Variants in PIGF observed in about 807,000 individuals in gnomAD.
PIGF encodes the protein phosphatidylinositol glycan anchor biosynthesis class F, also known as GPI ethanolamine phosphate transferase, stabilizing subunit.
PIGF carries 23 observed loss-of-function variants against 26.0 expected under a neutral mutation model. That is an observed-to-expected ratio of 0.88 (90% CI 0.64 to 1.25). The LOEUF is 1.25. Among genes scored for constraint, PIGF ranks in the 50% most tolerant of loss-of-function variants. The probability of loss-of-function intolerance (pLI) is 0.00; values close to 1 mark genes in which losing one functional copy is unlikely to be tolerated. For missense variants in PIGF, 278 were observed against 249.9 expected, an observed-to-expected ratio of 1.11 and a Z score of -0.76; for synonymous variants, 93 against 92.6, an observed-to-expected ratio of 1.00 and a Z score of -0.03.
At chr2:46,607,581 A>C (rs1170435686) in intron 4 of PIGF, among the ~76,000 whole-genome samples, 4 of 152,216 alleles carry the variant, frequency 2.6e-5, no homozygotes, top group African/African-American at 4.8e-5. Context: ...AAGAAATGTT[A>C]ATAATTATCT....
intron 4 of PIGF, among the ~76,000 whole-genome samples, chr2:46,597,771 A>T (rs1284724864): frequency 2.0e-5 from 3 of 152,216 alleles, no homozygotes; most frequent in Admixed American, 6.5e-5. Flanking sequence ...TGAGAAGTTC[A>T]GTGCCATTCT....
Position 46,589,357 on chromosome 2 carries a change from T to G in PIGF, c.546+3118A>C, listed in dbSNP as rs1256027381. Among the ~76,000 whole-genome samples the G allele has an allele frequency of 6.6e-6, 1 of 152,042 alleles. No individual in the cohort carries two copies. The highest frequency in any genetic ancestry group is 1.5e-5 in the Non-Finnish European group (1 of 67,934). ...TTTAATGAAGAAATTATTTTAAACA[T>G]AAAAATATGCTTGAAACAGCTCATT... is the stretch of plus-strand genomic sequence containing the variant. On this transcript the variant is annotated intron_variant, in intron 5 of 5. Transcript: ENST00000281382. This position sits in a 1 kb window ranked among gnomAD's most constrained non-coding sequence, Gnocchi z 4.7.
chr2:46,587,450 AC>A (rs1669612305), intron 5 of PIGF, among the ~76,000 whole-genome samples: 1 of 149,784 alleles, frequency 6.7e-6, no homozygotes. Flanking sequence ...AAAAAAAAAA[AC>A]CCAAAAAATT....
chr2:46,605,115 A>C (rs1019888298), intron 4 of PIGF, among the ~76,000 whole-genome samples: 1 of 152,206 alleles, frequency 6.6e-6, no homozygotes, highest in African/African-American at 2.4e-5. Context: ...TCACTGCAAA[A>C]CCATAGATCT....
chr2:46,599,416 T>C (rs1442728360), intron 4 of PIGF, among the ~76,000 whole-genome samples: 1 of 152,184 alleles, frequency 6.6e-6, no homozygotes, highest in African/African-American at 2.4e-5. Context: ...TTAGAGGCAC[T>C]AACTAGTCTT....
chr2:46,612,458 G>A (rs191288106), intron 3 of PIGF, 114 bp from the exon 4 acceptor site: 141 of 401,062 alleles, frequency 3.5e-4, no homozygotes, highest in African/African-American at 2.6e-3. Flanking sequence ...TACTTTGAAA[G>A]GTAACATGAA....
At chr2:46,611,003 T>C (rs1670397784) in intron 4 of PIGF, among the ~76,000 whole-genome samples, 1 of 152,246 alleles carries the variant, frequency 6.6e-6, no homozygotes, top group African/African-American at 2.4e-5. Context: ...TTTCTCTTCC[T>C]TCTTGGTCTC....
At chr2:46,603,808 T>C (rs1287836420) in intron 4 of PIGF, among the ~76,000 whole-genome samples, 1 of 151,978 alleles carries the variant, frequency 6.6e-6, no homozygotes, top group Non-Finnish European at 1.5e-5. Context: ...CTAAGATTTC[T>C]TGAATAATAC....
chr2:46,592,783 TA>T (rs1338714078), intron 4 of PIGF, among the ~76,000 whole-genome samples, 200 bp from the exon 5 acceptor site: 1 of 152,224 alleles, frequency 6.6e-6, no homozygotes, highest in Non-Finnish European at 1.5e-5. Context: ...ATTGGAAAGG[TA>T]ATATACAGAC....
At chr2:46,582,867 T>G (rs535048260) in intron 5 of PIGF, 84 of 152,696 alleles carry the variant, frequency 5.5e-4, no homozygotes, top group African/African-American at 1.9e-3. Context: ...ACTGGATGAC[T>G]GGCCAGGAAC....
chr2:46,582,772 G>A (rs1196875539), intron 5 of PIGF: 4 of 152,512 alleles, frequency 2.6e-5, no homozygotes, highest in African/African-American at 9.7e-5. Context: ...ACAAATCTAG[G>A]ATGTACTGTC....
chr2:46,588,051 G>A lies in PIGF; in HGVS notation c.546+4424C>T, dbSNP rs1265248019. ...CCCTCTCACACTTGGACTTTCTAGTGTATAAAATGGGAGTAAAACCTACCT... is the reference window on the plus strand; with the variant it reads ...CCCTCTCACACTTGGACTTTCTAGTATATAAAATGGGAGTAAAACCTACCT... On this transcript the variant is annotated intron_variant, in intron 5 of 5. Transcript: ENST00000281382. The surrounding 1 kb of genome is among the most constrained non-coding windows in gnomAD (Gnocchi z 4.1). The A allele has an allele frequency of 6.5e-7, 1 of 1,532,942 alleles. No homozygotes were observed. Among genetic ancestry groups the A allele is most frequent in the Non-Finnish European group, 8.8e-7 (1 of 1,139,506 alleles). The allele number at this position is 1,532,942 out of a possible 1,614,324, so 95.0% of individuals were successfully genotyped here.
intron 4 of PIGF, among the ~76,000 whole-genome samples, chr2:46,596,072 G>A (rs1458081359): frequency 6.6e-6 from 1 of 152,002 alleles, no homozygotes; most frequent in Non-Finnish European, 1.5e-5. Context: ...AAATTAGCTG[G>A]GCGCAGCGTC....
chr2:46,611,829 C>G (rs1052706522), intron 4 of PIGF, among the ~76,000 whole-genome samples: 5 of 152,086 alleles, frequency 3.3e-5, no homozygotes, highest in African/African-American at 1.2e-4. Context: ...GATTGTGGAC[C>G]CCACTTCTAC....
chr2:46,586,382 A>T (rs986977089), intron 5 of PIGF, among the ~76,000 whole-genome samples: 1 of 152,218 alleles, frequency 6.6e-6, no homozygotes, highest in Admixed American at 6.5e-5. Context: ...GTGTAAACTA[A>T]GATTAAATTA....
intron 3 of PIGF, 142 bp from the exon 4 acceptor site, chr2:46,612,486 C>G (rs1234992078): frequency 5.1e-6 from 2 of 391,148 alleles, no homozygotes; most frequent in African/African-American, 4.2e-5. Context: ...AAAATGATGA[C>G]TATAAATAAT....
At chr2:46,591,491 A>G in intron 5 of PIGF, 3 of 821,406 alleles carry the variant, frequency 3.7e-6, no homozygotes, top group Non-Finnish European at 4.4e-6. Context: ...AAGAAAGCAC[A>G]TTTATTTTTT....
intron 1 of PIGF, chr2:46,615,625 A>G (rs1259353614): frequency 6.3e-6 from 1 of 157,896 alleles, no homozygotes; most frequent in African/African-American, 2.4e-5. Flanking sequence ...AACTCCACAA[A>G]TATACTTAGG....
At chr2:46,601,520 T>C (rs1572777836) in intron 4 of PIGF, among the ~76,000 whole-genome samples, 2 of 152,138 alleles carry the variant, frequency 1.3e-5, no homozygotes, top group African/African-American at 2.4e-5. Context: ...TTTGAACTGC[T>C]AGTCTCTTCA....
Sources: allele counts gnomAD v4.1 joint callset (sites outside exome capture counted in the v4.1 genomes callset), GRCh38; gene constraint gnomAD v4.1.1; non-coding constraint Gnocchi (gnomAD v3.1); transcripts MANE v1.5; gene names NCBI Gene and HGNC (gene_info 2026-07-23, HGNC 2026-07-21).